The following PIEZO2 variants were observed in gnomAD, a reference collection of about 807,000 sequenced individuals.
PIEZO2 encodes the protein piezo type mechanosensitive ion channel component 2, also known as piezo-type mechanosensitive ion channel component 2.
Under a neutral mutation model 337.3 loss-of-function variants are expected in PIEZO2, and 172 were observed. The observed-to-expected ratio is 0.51, with a 90% confidence interval of 0.45 to 0.58. The LOEUF is 0.58. PIEZO2 is among the 20% of genes least tolerant of loss of function. The probability of loss-of-function intolerance (pLI) is 0.00; values close to 1 mark genes in which losing one functional copy is unlikely to be tolerated. For synonymous variants in PIEZO2, 1,251 were observed against 1,228.5 expected, an observed-to-expected ratio of 1.02 and a Z score of -0.38; for missense variants, 3,028 against 3,391.3, an observed-to-expected ratio of 0.89 and a Z score of 2.66.
chr18:11,067,952 T>C (rs1449455569), intron 1 of PIEZO2, among the ~76,000 whole-genome samples: 2 of 152,214 alleles, frequency 1.3e-5, no homozygotes, highest in Non-Finnish European at 2.9e-5. Context: ...GACGGAGTCT[T>C]GCTCTGTCCC....
intron 32 of PIEZO2, among the ~76,000 whole-genome samples, chr18:10,741,989 TA>T: frequency 7.0e-6 from 1 of 142,612 alleles, no homozygotes; most frequent in African/African-American, 2.6e-5. Context: ...CTGTCTCTAC[TA>T]AAAATACAAA....
At chr18:10,874,031 C>A (rs2042204501) in intron 4 of PIEZO2, among the ~76,000 whole-genome samples, 1 of 152,054 alleles carries the variant, frequency 6.6e-6, no homozygotes. Context: ...AGTGGAAAGA[C>A]AACCTAGATA....
chr18:10,705,388 T>C lies in PIEZO2; in HGVS notation c.5947A>G (p.Ile1983Val). The change falls in exon 41 of 56, where the codon ATC (isoleucine) becomes GTC (valine). Residue 1983 changes from isoleucine to valine, a missense_variant. Physicochemically the swap from Ile to Val is conservative, Grantham distance 29 (BLOSUM62 3). This residue lies in a region of PIEZO2 where 1,925 missense variants were observed against 2,051.9 expected (regional missense o/e 0.94). Transcript: ENST00000674853. ...DSRTDKLGSS[I>V]LPPLTHELTA... ...AGCTCATGGGTCAGGGGAGGTAAGA[T>C]GCTGGACCCCAGCTTGTCGGTGCGG... is the stretch of plus-strand genomic sequence containing the variant. 6.5e-7 allele frequency: 1 copy of C among 1,537,238 alleles called. No individual in the cohort carries two copies. Among genetic ancestry groups the C allele is most frequent in the Non-Finnish European group, 8.7e-7 (1 of 1,146,898 alleles).
chr18:10,799,972 C>CAA (rs34096733), intron 11 of PIEZO2, among the ~76,000 whole-genome samples: 141 of 128,294 alleles, frequency 1.1e-3, no homozygotes, highest in African/African-American at 4.0e-3. Flanking sequence ...GACTCTGTCT[C>CAA]AAAAAAAAAA....
At chr18:10,996,510 C>G (rs2035325304) in intron 2 of PIEZO2, among the ~76,000 whole-genome samples, 1 of 152,214 alleles carries the variant, frequency 6.6e-6, no homozygotes, top group Non-Finnish European at 1.5e-5. Context: ...CTCCATTCCC[C>G]CATCCCAACC....
intron 38 of PIEZO2, 136 bp downstream of exon 38, chr18:10,715,513 CA>C (rs1196270295): frequency 5.5e-6 from 4 of 724,492 alleles, no homozygotes; most frequent in Non-Finnish European, 8.3e-6. Flanking sequence ...TTTAAATATA[CA>C]GAAAAGCAAA....
chr18:10,929,434 C>G lies in PIEZO2; in HGVS notation c.287-18206G>C, dbSNP rs1598706151. Among the ~76,000 whole-genome samples the G allele has an allele frequency of 6.6e-6, 1 of 152,306 alleles. No individual in the cohort carries two copies. The highest frequency in any genetic ancestry group is 3.4e-3 in the Middle Eastern group (1 of 294). ...CAGATTCAGACATGTTTTCCCATATCTTTAAGTAAGATTGGAATGTTTGAA... is the reference window on the plus strand; with the variant it reads ...CAGATTCAGACATGTTTTCCCATATGTTTAAGTAAGATTGGAATGTTTGAA... On this transcript the variant is annotated intron_variant, in intron 3 of 55. Coordinates refer to ENST00000674853, the MANE Select transcript of PIEZO2 (RefSeq NM_001378183.1). The surrounding 1 kb of genome is among the most constrained non-coding windows in gnomAD (Gnocchi z 5.6).
chr18:10,850,459 C>A lies in PIEZO2; in HGVS notation c.917+4894G>T, dbSNP rs893593750. ...CAGCCCTGCAAAGGCTCTTTCACAG[C>A]TGCGAGAATGTGGGGTTGCAACTTG... is the stretch of plus-strand genomic sequence containing the variant. On this transcript the variant is annotated intron_variant, in intron 7 of 55. Transcript: ENST00000674853. This position sits in a 1 kb window ranked among gnomAD's most constrained non-coding sequence, Gnocchi z 4.5. Among the ~76,000 whole-genome samples the A allele has an allele frequency of 6.6e-6, 1 of 152,174 alleles. No individual in the cohort carries two copies. Among genetic ancestry groups the A allele is most frequent in the African/African-American group, 2.4e-5 (1 of 41,444 alleles).
chr18:10,675,147 T>C (rs2033937278), intron 54 of PIEZO2, 62 bp downstream of exon 54: 1 of 1,207,480 alleles, frequency 8.3e-7, no homozygotes, highest in Non-Finnish European at 1.2e-6. Context: ...AAGCACAAAC[T>C]GTTGAAATTG....
intron 4 of PIEZO2, among the ~76,000 whole-genome samples, chr18:10,909,722 T>G (rs1288845402): frequency 6.6e-6 from 1 of 152,170 alleles, no homozygotes; most frequent in Non-Finnish European, 1.5e-5. Flanking sequence ...TGTGTATGTT[T>G]TAGATGTTTC....
At chr18:10,900,680 C>T (rs779462005) in intron 4 of PIEZO2, among the ~76,000 whole-genome samples, 13 of 152,152 alleles carry the variant, frequency 8.5e-5, no homozygotes, top group African/African-American at 3.1e-4. Context: ...TCCTTCCAAA[C>T]CTTTCATGTT....
In PIEZO2 at chr18:10,714,866, C is replaced by T; in HGVS notation, c.5321G>A (p.Arg1774Lys). 6.5e-7 allele frequency: 1 copy of T among 1,537,252 alleles called. No homozygotes were observed. Among genetic ancestry groups the T allele is most frequent in the South Asian group, 1.2e-5 (1 of 84,060 alleles). Residue 1774 changes from arginine (R) to lysine (K), a missense_variant, in exon 39 of 56, where the codon AGA becomes AAA. Coordinates refer to ENST00000674853, the MANE Select transcript of PIEZO2 (RefSeq NM_001378183.1). Reference protein sequence around the residue: ...YYQNHIMNLSRESGLDTIDEH... With the variant: ...YYQNHIMNLSKESGLDTIDEH... ...GTCAATGGTGTCCAGTCCCGACTCT[C>T]TGGAAAGGTTCATGATGTGGTTCTG...
chr18:11,146,211 C>T lies in PIEZO2; in HGVS notation c.64+2314G>A, dbSNP rs540048701. Among the ~76,000 whole-genome samples, 6 of 152,184 alleles carry T rather than the reference C, an allele frequency of 3.9e-5. No homozygotes were observed. Among genetic ancestry groups the T allele is most frequent in the Admixed American group, 6.5e-5 (1 of 15,292 alleles). ...TCTCCTGGGCAGACTCAGCTGTCCC[C>T]GAGGCAAGACGCAGTTTGCATGTTG... On this transcript the variant is annotated intron_variant, in intron 1 of 55. Coordinates refer to ENST00000674853, the MANE Select transcript of PIEZO2 (RefSeq NM_001378183.1). The surrounding 1 kb of genome is among the most constrained non-coding windows in gnomAD (Gnocchi z 6.1).
intron 2 of PIEZO2, among the ~76,000 whole-genome samples, chr18:11,054,462 T>C (rs538988800): frequency 6.6e-6 from 1 of 152,322 alleles, no homozygotes; most frequent in East Asian, 1.9e-4. Context: ...ACACTGGAAA[T>C]AAAATTCATT....
In PIEZO2 at chr18:10,875,631, G is replaced by A. The variant is rs889794122; in HGVS notation, c.330-4216C>T. 6.6e-5 allele frequency among the ~76,000 whole-genome samples: 10 copies of A among 152,110 alleles called. No homozygotes were observed. In the South Asian group the frequency reaches 1.9e-3, roughly 28 times the overall value. ...TGAAAAGCACCATCCAAGTACAGTCGAGAGAAAAAGACTTCTTATATTAAA... is the reference window on the plus strand; with the variant it reads ...TGAAAAGCACCATCCAAGTACAGTCAAGAGAAAAAGACTTCTTATATTAAA... On this transcript the variant is annotated intron_variant, in intron 4 of 55. Transcript: ENST00000674853.
At position 10,871,348 on chromosome 18, in the gene PIEZO2, T is replaced by C; in HGVS notation, c.397A>G (p.Ser133Gly). The change falls in exon 5 of 56, where the codon AGT becomes GGT. Residue 133 changes from serine to glycine, a missense_variant. By Grantham distance (56) the Ser-to-Gly change is moderately conservative (BLOSUM62 0). Coordinates refer to ENST00000674853, the MANE Select transcript of PIEZO2 (RefSeq NM_001378183.1). The stretch of plus-strand genomic sequence containing the variant: ...CTACAGAGGAGCCAGATGGTCAGAC[T>C]AGCAATGAACATCCCGATGTCAGGT... ...FVPDIGMFIA[S>G]LTIWLLCRNI... The C allele has an allele frequency of 1.3e-6, 2 of 1,537,296 alleles. No homozygotes were observed. The highest frequency in any genetic ancestry group is 1.7e-6 in the Non-Finnish European group (2 of 1,146,830).
rs758819027 is a variant in PIEZO2 at position 11,105,560 on chromosome 18, C to T, written c.65-39338G>A. Among the ~76,000 whole-genome samples, 3 of 152,086 alleles carry T rather than the reference C, an allele frequency of 2.0e-5. No individual in the cohort carries two copies. Among genetic ancestry groups the T allele is most frequent in the Non-Finnish European group, 2.9e-5 (2 of 68,012 alleles). On this transcript the variant is annotated intron_variant, in intron 1 of 55. Coordinates refer to ENST00000674853, the MANE Select transcript of PIEZO2 (RefSeq NM_001378183.1). The surrounding 1 kb of genome is among the most constrained non-coding windows in gnomAD (Gnocchi z 4.3). Reference sequence around the variant, plus strand: ...GAAAGCTTTAGGTGTGGGGTTTTGACGAAATGAACATACTCATCCTTTATC... The same window carrying T: ...GAAAGCTTTAGGTGTGGGGTTTTGATGAAATGAACATACTCATCCTTTATC...
At position 10,828,145 on chromosome 18, in the gene PIEZO2, T is replaced by TG. The variant is rs199761841; in HGVS notation, c.918-20872_918-20871insC. The stretch of plus-strand genomic sequence containing the variant: ...TTTTTTGTTTGTTTGTTTTTGTTTT[T>TG]TTTTTTTTTTACAGTAAAACCAATC... On this transcript the variant is annotated intron_variant, in intron 7 of 55. Transcript: ENST00000674853. This position sits in a 1 kb window ranked among gnomAD's most constrained non-coding sequence, Gnocchi z 4.1. Among the ~76,000 whole-genome samples, 4,801 of 150,592 alleles carry TG rather than the reference T, an allele frequency of 0.032. 244 individuals are homozygous for TG. The highest frequency in any genetic ancestry group is 0.11 in the African/African-American group (4,549 of 41,038).
Position 10,672,528 on chromosome 18 carries a change from G to T in PIEZO2, c.8345+162C>A, listed in dbSNP as rs749223574. ...GAGTTTTGATCTCTTTGGGACTCTG[G>T]TGCCTCATTTTTTGAAATAAAATGC... On this transcript the variant is annotated intron_variant, in intron 55 of 55. Coordinates refer to ENST00000674853, the MANE Select transcript of PIEZO2 (RefSeq NM_001378183.1). The surrounding 1 kb of genome is among the most constrained non-coding windows in gnomAD (Gnocchi z 4.7). Among the ~76,000 whole-genome samples, 4 of 152,266 alleles carry T rather than the reference G, an allele frequency of 2.6e-5. No individual in the cohort carries two copies. Among genetic ancestry groups the T allele is most frequent in the African/African-American group, 4.8e-5 (2 of 41,530 alleles).
Sources: gnomAD v4.1 joint callset for allele counts (sites outside exome capture counted in the v4.1 genomes callset) on GRCh38, gnomAD v4.1.1 for gene constraint, gnomAD v4.1.1 regional missense constraint, Gnocchi (gnomAD v3.1) non-coding constraint, MANE v1.5 for transcripts, NCBI Gene and HGNC (gene_info 2026-07-23, HGNC 2026-07-21) for gene names.